The following RSPH3 variants were observed in gnomAD, a reference collection of about 807,000 sequenced individuals.
The protein encoded by RSPH3 is radial spoke head 3, also known as radial spoke head protein 3 homolog.
A neutral mutation model predicts 43.8 loss-of-function variants in RSPH3; 21 were observed. The ratio of observed to expected loss-of-function variants is 0.48; its 90% CI spans 0.34 to 0.69. The LOEUF is 0.69. Among genes scored for constraint, RSPH3 ranks in the 30% least tolerant of loss-of-function variants. The probability of loss-of-function intolerance (pLI) is 0.01; values close to 1 mark genes in which losing one functional copy is unlikely to be tolerated. For synonymous variants in RSPH3, 173 were observed against 179.8 expected (o/e 0.96, Z 0.30); for missense variants, 487 against 516.0 (o/e 0.94, Z 0.54).
chr6:158,963,490 C>A, the RSPH3 span, among the ~76,000 whole-genome samples: 1 of 131,908 alleles, frequency 7.6e-6, no homozygotes, highest in Non-Finnish European at 1.6e-5. Flanking sequence ...CCCTTCCCTT[C>A]CCTTCCCAGT....
intron 6 of RSPH3, among the ~76,000 whole-genome samples, chr6:158,978,552 T>G (rs1475093559): frequency 1.3e-5 from 2 of 152,120 alleles, no homozygotes; most frequent in Non-Finnish European, 2.9e-5. Context: ...ATTTTTTTAT[T>G]TTTTTTGAGA....
intron 3 of RSPH3, among the ~76,000 whole-genome samples, chr6:158,985,083 T>A (rs1778184539): frequency 6.6e-6 from 1 of 152,222 alleles, no homozygotes; most frequent in South Asian, 2.1e-4. Context: ...CACCAAGCAC[T>A]GTCTGATGAC....
chr6:158,998,598 G>A (rs1562569417), intron 1 of RSPH3, among the ~76,000 whole-genome samples: 1 of 151,668 alleles, frequency 6.6e-6, no homozygotes, highest in Admixed American at 6.6e-5. Context: ...GCTCACGCTT[G>A]TAATCCCAGC....
Position 158,977,856 on chromosome 6 carries a change from G to T in RSPH3, c.947-8C>A. 1 of 1,594,398 alleles carries T rather than the reference G, an allele frequency of 6.3e-7. No homozygotes were observed. Among genetic ancestry groups the T allele is most frequent in the African/African-American group, 1.3e-5 (1 of 74,284 alleles). On this transcript the variant is annotated splice_polypyrimidine_tract_variant and splice_region_variant and intron_variant, in intron 7 of 7. Coordinates refer to ENST00000367069, the MANE Select transcript of RSPH3 (RefSeq NM_031924.8). ...CCACCTCACGGATCAACACTGAAAA[G>T]TTAAATGTTCAGACATCACTATGAT...
chr6:158,968,702 G>T (rs527939797), downstream of RSPH3, among the ~76,000 whole-genome samples: 10 of 151,984 alleles, frequency 6.6e-5, no homozygotes, highest in South Asian at 4.1e-4. Flanking sequence ...CTTTGTAGTA[G>T]TATTATTATT....
At position 158,980,758 on chromosome 6, in the gene RSPH3, A is replaced by G; in HGVS notation, c.859+16T>C. On this transcript the variant is annotated intron_variant, in intron 6 of 7. Coordinates refer to ENST00000367069, the MANE Select transcript of RSPH3 (RefSeq NM_031924.8). Reference sequence around the variant, plus strand: ...CTTATTACAACAAAATTAATCTAACAAAAATATCTACAAACCTCTTTCAAT... The same window carrying G: ...CTTATTACAACAAAATTAATCTAACGAAAATATCTACAAACCTCTTTCAAT... The G allele has an allele frequency of 6.2e-7, 1 of 1,601,808 alleles. No individual in the cohort carries two copies. Among genetic ancestry groups the G allele is most frequent in the Non-Finnish European group, 8.5e-7 (1 of 1,170,246 alleles).
At chr6:158,964,819 T>A in the RSPH3 span, among the ~76,000 whole-genome samples, 1 of 152,192 alleles carries the variant, frequency 6.6e-6, no homozygotes, top group Non-Finnish European at 1.5e-5. Context: ...TAAATTTTGA[T>A]GAAATCCAAT....
chr6:158,991,529 C>A lies in RSPH3; in HGVS notation c.204+2310G>T, dbSNP rs1253060690. On this transcript the variant is annotated intron_variant, in intron 2 of 7. Transcript: ENST00000367069. Reference sequence around the variant, plus strand: ...TGTCGACACTGGTGGTGGTGTAGGGCGAGTGCAGCATTGACTAGCACTGCC... The same window carrying A: ...TGTCGACACTGGTGGTGGTGTAGGGAGAGTGCAGCATTGACTAGCACTGCC... Among the ~76,000 whole-genome samples the A allele has an allele frequency of 2.6e-5, 4 of 152,240 alleles. No homozygotes were observed. The East Asian group carries it at 7.7e-4, about 29-fold the overall frequency.
chr6:158,976,863 C>T lies in RSPH3; in HGVS notation c.*675G>A, dbSNP rs937945129. 2.0e-5 allele frequency: 3 copies of T among 152,508 alleles called. No homozygotes were observed. The highest frequency in any genetic ancestry group is 2.4e-5 in the African/African-American group (1 of 41,312). 9.4% of individuals were successfully genotyped at this position (152,508 alleles called of 1,614,324 possible). ...CGGAGTTTTGCTCTTGTTGCCCAGG[C>T]TGGAGTGCAATGGTGCAAACTTGGC... is the stretch of plus-strand genomic sequence containing the variant. On this transcript the variant is annotated 3_prime_UTR_variant, in exon 8 of 8. Coordinates refer to ENST00000367069, the MANE Select transcript of RSPH3 (RefSeq NM_031924.8).
chr6:158,969,833 C>A (rs898222393), downstream of RSPH3, among the ~76,000 whole-genome samples: 2 of 152,172 alleles, frequency 1.3e-5, no homozygotes, highest in Admixed American at 6.5e-5. Context: ...CTTTTCAATG[C>A]CAGAATTTCT....
At chr6:158,991,324 T>C (rs923032809) in intron 2 of RSPH3, among the ~76,000 whole-genome samples, 2 of 152,190 alleles carry the variant, frequency 1.3e-5, no homozygotes, top group Admixed American at 1.3e-4. Context: ...AGACTTTGGA[T>C]TCTATTTAAT....
At chr6:158,963,105 A>G in the RSPH3 span, among the ~76,000 whole-genome samples, 3 of 152,054 alleles carry the variant, frequency 2.0e-5, no homozygotes, top group African/African-American at 7.2e-5. Flanking sequence ...GGAATACTGA[A>G]TAATATGAAA....
At chr6:158,969,949 C>A (rs1393761865), downstream of RSPH3, among the ~76,000 whole-genome samples, 1 of 151,904 alleles carries the variant, frequency 6.6e-6, no homozygotes, top group Non-Finnish European at 1.5e-5. Context: ...TTCTTTAGTT[C>A]TTTGAATATA....
At chr6:158,985,623 C>T (rs975257971) in intron 3 of RSPH3, among the ~76,000 whole-genome samples, 5 of 151,842 alleles carry the variant, frequency 3.3e-5, no homozygotes, top group Admixed American at 1.3e-4. Flanking sequence ...GTAGAGATGG[C>T]GTCTTTGGTC....
Position 158,973,615 on chromosome 6 carries a change from A to G in RSPH3, c.*3923T>C, listed in dbSNP as rs1334964353. On this transcript the variant is annotated 3_prime_UTR_variant, in exon 8 of 8. Transcript: ENST00000367069. ...AACCCCCTTCTCCATGGTGAAGACT[A>G]CATGCTTGCATGTGAGGACTCAAGC... 1 of 152,184 alleles carries G rather than the reference A, an allele frequency of 6.6e-6. No homozygotes were observed. The highest frequency in any genetic ancestry group is 2.4e-5 in the African/African-American group (1 of 41,450). The allele number at this position is 152,184 out of a possible 1,614,324, so 9.4% of individuals were successfully genotyped here. A position where few individuals can be genotyped will look rare whatever the true frequency, so the allele number is the denominator to read the frequency against.
At chr6:158,980,700 G>A (rs1001284263) in intron 6 of RSPH3, 74 bp downstream of exon 6, 1 of 1,202,132 alleles carries the variant, frequency 8.3e-7, no homozygotes, top group Non-Finnish European at 1.2e-6. Flanking sequence ...AATAAAAATG[G>A]ACATAAGATA....
At chr6:158,995,146 C>T (rs770781375) in intron 1 of RSPH3, among the ~76,000 whole-genome samples, 20 of 152,088 alleles carry the variant, frequency 1.3e-4, no homozygotes, top group Non-Finnish European at 2.1e-4. Context: ...AATTATAATC[C>T]ATATACCCAA....
chr6:158,983,323 A>T (rs1778100684), intron 4 of RSPH3, among the ~76,000 whole-genome samples: 1 of 152,166 alleles, frequency 6.6e-6, no homozygotes, highest in Non-Finnish European at 1.5e-5. Context: ...TAACTGTGGA[A>T]TTTTTTATAC....
Position 158,977,586 on chromosome 6 carries a change from A to T in RSPH3, c.1209T>A (p.Asp403Glu), listed in dbSNP as rs1204969414. 1.2e-6 allele frequency: 2 copies of T among 1,613,802 alleles called. No homozygotes were observed. The highest frequency in any genetic ancestry group is 2.2e-5 in the South Asian group (2 of 91,056). ...AGGACTTCCTCATTGCTGTTTCTTC[A>T]TCTTGCCCTAAGAGTTCTCTCTCTT... ...FMEERELLGQ[D>E]EETAMRKSLG... The change falls in exon 8 of 8, where the codon GAT (aspartate) becomes GAA (glutamate). Residue 403 changes from aspartate to glutamate, a missense_variant. Coordinates refer to ENST00000367069, the MANE Select transcript of RSPH3 (RefSeq NM_031924.8).
Sources: allele counts gnomAD v4.1 joint callset (sites outside exome capture counted in the v4.1 genomes callset), GRCh38; gene constraint gnomAD v4.1.1; transcripts MANE v1.5; gene names NCBI Gene and HGNC (gene_info 2026-07-23, HGNC 2026-07-21).